DGKH: variants seen among roughly 807,000 people sequenced by gnomAD.
DGKH encodes DAG kinase eta.
A neutral mutation model predicts 159.3 loss-of-function variants in DGKH; 90 were observed. That is an observed-to-expected ratio of 0.57 (90% confidence interval 0.48 to 0.67). The LOEUF is 0.67. Among genes scored for constraint, DGKH ranks in the 30% least tolerant of loss-of-function variants. DGKH has a pLI of 0.00. For synonymous variants in DGKH, 536 were observed against 553.8 expected, an observed-to-expected ratio of 0.97 and a Z score of 0.45; for missense variants, 1,181 against 1,506.1, an observed-to-expected ratio of 0.78 and a Z score of 3.57.
intron 1 of DGKH, among the ~76,000 whole-genome samples, chr13:42,114,703 TTATTA>T (rs1404532000): frequency 6.6e-6 from 1 of 152,242 alleles, no homozygotes; most frequent in Non-Finnish European, 1.5e-5. Context: ...CCATGCTCCA[TTATTA>T]TATTAAATAA....
At chr13:42,051,928 G>T (rs1006116695) in intron 1 of DGKH, among the ~76,000 whole-genome samples, 3 of 152,154 alleles carry the variant, frequency 2.0e-5, no homozygotes, top group Admixed American at 2.0e-4. Flanking sequence ...GCTTCCCAAA[G>T]TGCTAGGATT....
rs1957622636 is a variant in DGKH, at chr13:42,210,445, T to G, written c.2851-157T>G. Among the ~76,000 whole-genome samples, 3 of 152,232 alleles carry G rather than the reference T, an allele frequency of 2.0e-5. 1 individual carries two copies. The highest frequency in any genetic ancestry group is 4.1e-4 in the South Asian group (2 of 4,832). ...ATTGACTGCACTACTTTTCATGTGT[T>G]GCAGTACATTGGAAAACTTTGAAAT... is the stretch of plus-strand genomic sequence containing the variant. On this transcript the variant is annotated intron_variant, in intron 23 of 29. Transcript: ENST00000337343.
intron 1 of DGKH, among the ~76,000 whole-genome samples, chr13:42,059,201 C>T (rs1881966932): frequency 1.3e-5 from 2 of 151,826 alleles, no homozygotes; most frequent in South Asian, 4.2e-4. Context: ...ATAATTTAAT[C>T]TGTGGTGTGT....
intron 3 of DGKH, among the ~76,000 whole-genome samples, chr13:42,146,638 A>G (rs1294214197): frequency 6.6e-6 from 1 of 152,238 alleles, no homozygotes; most frequent in Non-Finnish European, 1.5e-5. Context: ...AGTTTTATTC[A>G]GTAGGAAAAG....
Position 42,155,320 on chromosome 13 carries a change from G to C in DGKH, c.414G>C (p.Leu138=), listed in dbSNP as rs781652827. The change falls in exon 4 of 30, where the codon CTG becomes CTC. Residue 138 remains leucine, a synonymous_variant. Transcript: ENST00000337343. ...TCACTCCATTCAGAAGGCTAATGCT[G>C]TGTGCTGAGAACAGAAAGGAGATGG... The part of the protein sequence containing the change: ...TIITPFRRLM[L]CAENRKEMED... 1 of 1,611,702 alleles carries C rather than the reference G, an allele frequency of 6.2e-7. No individual in the cohort carries two copies. The highest frequency in any genetic ancestry group is 8.5e-7 in the Non-Finnish European group (1 of 1,179,466).
chr13:42,232,602 A>G lies in DGKH; in HGVS notation c.*3414A>G, dbSNP rs1178668648. 6.6e-6 allele frequency: 1 copy of G among 152,184 alleles called. No homozygotes were observed. The highest frequency in any genetic ancestry group is 6.5e-5 in the Admixed American group (1 of 15,280). The allele number at this position is 152,184 out of a possible 1,614,324, so 9.4% of individuals were successfully genotyped here. ...AAATGACCCCTTTCATTTCTCGCTT[A>G]AGCATACATGGTGGGTCATTTAACT... On this transcript the variant is annotated 3_prime_UTR_variant, in exon 30 of 30. Coordinates refer to ENST00000337343, the MANE Select transcript of DGKH (RefSeq NM_178009.5).
intron 23 of DGKH, 61 bp downstream of exon 23, chr13:42,209,526 A>T: frequency 6.9e-7 from 1 of 1,457,234 alleles, no homozygotes; most frequent in Non-Finnish European, 9.1e-7. Flanking sequence ...TGAAATTGTT[A>T]TAAAAAAATA....
intron 1 of DGKH, among the ~76,000 whole-genome samples, chr13:42,079,801 G>A (rs1408868182): frequency 6.6e-6 from 1 of 152,136 alleles, no homozygotes; most frequent in Non-Finnish European, 1.5e-5. Context: ...CACAGTTTGT[G>A]CACTTCTGAG....
intron 1 of DGKH, among the ~76,000 whole-genome samples, chr13:42,113,609 G>C (rs748536257): frequency 1.7e-4 from 26 of 152,180 alleles, no homozygotes; most frequent in Admixed American, 1.2e-3. Flanking sequence ...AGGAGCTGAT[G>C]GGAAAGTTTG....
Position 42,238,232 on chromosome 13 carries a change from C to T in DGKH, c.*9044C>T, listed in dbSNP as rs1204381048. 2.0e-5 allele frequency: 3 copies of T among 152,040 alleles called. No homozygotes were observed. The highest frequency in any genetic ancestry group is 7.2e-5 in the African/African-American group (3 of 41,386). The allele number at this position is 152,040 out of a possible 1,614,324, so 9.4% of individuals were successfully genotyped here. A position where few individuals can be genotyped will look rare whatever the true frequency, so the allele number is the denominator to read the frequency against. On this transcript the variant is annotated 3_prime_UTR_variant, in exon 30 of 30. Transcript: ENST00000337343. ...CATTTTGGATATAAAGATAGACTTC[C>T]CAGACAGTGAGGTTAGAAATTAGAA...
At chr13:42,127,093 A>C (rs1955185705) in intron 1 of DGKH, among the ~76,000 whole-genome samples, 1 of 152,176 alleles carries the variant, frequency 6.6e-6, no homozygotes, top group South Asian at 2.1e-4. Context: ...TGGCACCAGG[A>C]GGTGAACCCA....
chr13:42,199,511 A>G, intron 18 of DGKH, 55 bp from the exon 19 acceptor site: 4 of 1,231,246 alleles, frequency 3.2e-6, no homozygotes, highest in Non-Finnish European at 4.6e-6. Context: ...TACAAATTGT[A>G]ATTGTTATAA....
chr13:42,069,340 A>G, intron 1 of DGKH: 1 of 1,335,762 alleles, frequency 7.5e-7, no homozygotes, highest in Non-Finnish European at 1.1e-6. Flanking sequence ...AAAGTTTCTA[A>G]TTGAGCCAGA....
chr13:42,100,046 G>A (rs1199682122), intron 1 of DGKH, among the ~76,000 whole-genome samples: 1 of 152,210 alleles, frequency 6.6e-6, no homozygotes, highest in Non-Finnish European at 1.5e-5. Flanking sequence ...TGGCCTGTGA[G>A]GAACCAGGCC....
upstream of DGKH, chr13:42,044,129 A>G (rs1024428975): frequency 2.6e-5 from 4 of 152,316 alleles, no homozygotes; most frequent in Non-Finnish European, 5.9e-5. Flanking sequence ...ACGTGCTGGG[A>G]TTACTGGCAT....
Position 42,239,404 on chromosome 13 carries a change from G to A in DGKH, c.*10216G>A, listed in dbSNP as rs1428967648. On this transcript the variant is annotated 3_prime_UTR_variant, in exon 30 of 30. Transcript: ENST00000337343. ...CAAGAAACTCATAAACTAAAGTATG[G>A]AATAACACAAATGCTTAATCTTAAT... is the stretch of plus-strand genomic sequence containing the variant. 2 of 152,666 alleles carry A rather than the reference G, an allele frequency of 1.3e-5. No individual in the cohort carries two copies. Among genetic ancestry groups the A allele is most frequent in the East Asian group, 3.9e-4 (2 of 5,182 alleles). 9.5% of individuals were successfully genotyped at this position (152,666 alleles called of 1,614,324 possible).
chr13:42,048,536 C>T (rs1287457221), upstream of DGKH, among the ~76,000 whole-genome samples: 2 of 152,264 alleles, frequency 1.3e-5, no homozygotes, highest in South Asian at 2.1e-4. The surrounding 1 kb of genome is among the most constrained non-coding windows in gnomAD (Gnocchi z 6.7). Context: ...GGTCCGTTAC[C>T]TCTGCGTCCC....
chr13:42,249,028 T>C (rs1958601463), intron 29 of DGKH, among the ~76,000 whole-genome samples: 1 of 152,234 alleles, frequency 6.6e-6, no homozygotes, highest in African/African-American at 2.4e-5. Context: ...AAAATAGCAC[T>C]TATGTACATG....
chr13:42,141,217 A>C (rs945419821), intron 3 of DGKH, among the ~76,000 whole-genome samples: 1 of 151,390 alleles, frequency 6.6e-6, no homozygotes, highest in African/African-American at 2.4e-5. Context: ...CCATGTCCCT[A>C]CAAAGGACAT....
Sources: allele counts gnomAD v4.1 joint callset (sites outside exome capture counted in the v4.1 genomes callset), GRCh38; gene constraint gnomAD v4.1.1; non-coding constraint Gnocchi (gnomAD v3.1); transcripts MANE v1.5; gene names NCBI Gene and HGNC (gene_info 2026-07-23, HGNC 2026-07-21).